Variants in CSPP1 observed in about 807,000 individuals in gnomAD.
CSPP1 encodes centrosome and spindle pole-associated protein 1.
CSPP1 carries 126 observed loss-of-function variants against 164.4 expected under a neutral mutation model. The observed-to-expected ratio is 0.77, with a 90% CI of 0.66 to 0.89. The LOEUF is 0.89. CSPP1 is among the 40% of genes least tolerant of loss of function. The probability of loss-of-function intolerance (pLI) is 0.00; values close to 1 mark genes in which losing one functional copy is unlikely to be tolerated. For synonymous variants in CSPP1, 472 were observed against 476.7 expected (o/e 0.99, Z 0.13); for missense variants, 1,395 against 1,449.8 (o/e 0.96, Z 0.61).
chr8:67,129,585 A>G (rs1364901772), intron 15 of CSPP1, among the ~76,000 whole-genome samples: 1 of 152,230 alleles, frequency 6.6e-6, no homozygotes, highest in Non-Finnish European at 1.5e-5. Flanking sequence ...CATTATTGAT[A>G]ATAGTCAAAA....
chr8:67,159,930 C>CTTTCCT (rs1353764851), intron 21 of CSPP1, among the ~76,000 whole-genome samples: 10 of 41,784 alleles, frequency 2.4e-4, no homozygotes, highest in South Asian at 8.9e-4. Flanking sequence ...CTTTCCTTTC[C>CTTTCCT]TTCCTTCCTT....
chr8:67,119,183 C>CTATATAT, intron 15 of CSPP1, among the ~76,000 whole-genome samples: 1 of 152,206 alleles, frequency 6.6e-6, no homozygotes, highest in South Asian at 2.1e-4. Context: ...AAGGTTCATC[C>CTATATAT]GTCTTTTAGC....
At chr8:67,091,758 T>A (rs1332132347) in intron 4 of CSPP1, 45 bp from the exon 5 acceptor site, 14 of 629,692 alleles carry the variant, frequency 2.2e-5, no homozygotes, top group Non-Finnish European at 3.3e-5. Context: ...ACATATTTTA[T>A]AAAGGCAATT....
At chr8:67,135,840 A>G (rs1041527290) in intron 16 of CSPP1, 1 of 152,196 alleles carries the variant, frequency 6.6e-6, no homozygotes, top group African/African-American at 2.4e-5. Flanking sequence ...CCCACTAAGC[A>G]TAGTCATTTC....
At position 67,195,419 on chromosome 8, in the gene CSPP1, G is replaced by GAAAC. The variant is rs776145236; in HGVS notation, c.3509_3512dup (p.His1171GlnfsTer6). The stretch of plus-strand genomic sequence containing the variant: ...CACTGGTTGACCCTGATGACATCAT[G>GAAAC]AAACACATAGGGGATGACGGATCAA... On this transcript the variant is annotated frameshift_variant, in exon 31 of 31. Transcript: ENST00000678616. LOFTEE classifies it high-confidence loss of function. The GAAAC allele has an allele frequency of 1.9e-6, 3 of 1,614,164 alleles. No individual in the cohort carries two copies. Among genetic ancestry groups the GAAAC allele is most frequent in the African/African-American group, 1.3e-5 (1 of 75,044 alleles).
At chr8:67,074,073 T>G (rs1382086447) in intron 1 of CSPP1, among the ~76,000 whole-genome samples, 170 bp from the exon 2 acceptor site, 1 of 152,166 alleles carries the variant, frequency 6.6e-6, no homozygotes, top group Non-Finnish European at 1.5e-5. Flanking sequence ...GTAGGCTTTT[T>G]GGGGAAGCTG....
intron 24 of CSPP1, among the ~76,000 whole-genome samples, chr8:67,168,711 A>G (rs527255856): frequency 1.3e-5 from 2 of 152,326 alleles, no homozygotes; most frequent in South Asian, 2.1e-4. Flanking sequence ...TCATGAATAT[A>G]TGTACAAAAG....
chr8:67,128,774 T>C (rs1177169055), intron 15 of CSPP1, among the ~76,000 whole-genome samples: 1 of 152,164 alleles, frequency 6.6e-6, no homozygotes, highest in Non-Finnish European at 1.5e-5. Context: ...GATCTGGAAT[T>C]AGAATTACTC....
chr8:67,079,067 A>G (rs73693109), intron 3 of CSPP1, among the ~76,000 whole-genome samples: 1,683 of 152,286 alleles, frequency 0.011, 28 homozygotes, highest in African/African-American at 0.037. Context: ...TAACTGAAAG[A>G]TGGTGACCTC....
At chr8:67,175,538 C>G (rs1586746318) in intron 26 of CSPP1, 102 bp downstream of exon 26, 2 of 1,352,604 alleles carry the variant, frequency 1.5e-6, no homozygotes, top group Non-Finnish European at 1.0e-6. Flanking sequence ...ATCCTCCTTT[C>G]ACTGGCAGCC....
In CSPP1 at chr8:67,137,562, G is replaced by C; in HGVS notation, c.1934G>C (p.Gly645Ala). 2 of 1,596,594 alleles carry C rather than the reference G, an allele frequency of 1.3e-6. No homozygotes were observed. The highest frequency in any genetic ancestry group is 1.7e-6 in the Non-Finnish European group (2 of 1,171,806). Residue 645 changes from glycine (G) to alanine (A), a missense_variant, in exon 17 of 31, where the codon GGA (glycine) becomes GCA (alanine). Physicochemically the swap from Gly to Ala is moderately conservative, Grantham distance 60 (BLOSUM62 0). Transcript: ENST00000678616. ...MRTYNPWGKGGGGAPLRDAKG... is the reference protein window; with the variant it reads ...MRTYNPWGKGAGGAPLRDAKG... Reference sequence around the variant, plus strand: ...ACATATAATCCCTGGGGAAAAGGTGGAGGTGGTGCTCCTCTCAGGGATGCA... The same window carrying C: ...ACATATAATCCCTGGGGAAAAGGTGCAGGTGGTGCTCCTCTCAGGGATGCA...
intron 3 of CSPP1, among the ~76,000 whole-genome samples, chr8:67,078,288 A>G (rs1808375868): frequency 6.6e-6 from 1 of 152,184 alleles, no homozygotes; most frequent in Non-Finnish European, 1.5e-5. Context: ...TAAATACGTG[A>G]AAAGATGGCT....
At chr8:67,166,998 C>T (rs941995079) in intron 24 of CSPP1, among the ~76,000 whole-genome samples, 51 of 152,220 alleles carry the variant, frequency 3.4e-4, no homozygotes, top group Non-Finnish European at 6.9e-4. Flanking sequence ...CCATTTAACC[C>T]TGAGTGGACA....
At chr8:67,148,211 G>T (rs150995647) in intron 17 of CSPP1, among the ~76,000 whole-genome samples, 1 of 152,082 alleles carries the variant, frequency 6.6e-6, no homozygotes, top group East Asian at 1.9e-4. Flanking sequence ...GAGCCACCAC[G>T]CCCGGCCAGA....
chr8:67,195,380 A>G lies in CSPP1; in HGVS notation c.3470-2A>G, dbSNP rs1837724111. 6.2e-7 allele frequency: 1 copy of G among 1,611,218 alleles called. No homozygotes were observed. Among genetic ancestry groups the G allele is most frequent in the African/African-American group, 1.3e-5 (1 of 74,878 alleles). On this transcript the variant is annotated splice_acceptor_variant, in intron 30 of 30. Transcript: ENST00000678616. LOFTEE classifies it high-confidence loss of function. ...GAGCCACGTGTCCCTTGCCTCCTGTAGATGATGAGAGTTCACTGGTTGACC... is the reference window on the plus strand; with the variant it reads ...GAGCCACGTGTCCCTTGCCTCCTGTGGATGATGAGAGTTCACTGGTTGACC...
chr8:67,159,238 CT>C (rs1827251397), intron 21 of CSPP1, 101 bp downstream of exon 21: 2 of 1,076,208 alleles, frequency 1.9e-6, no homozygotes, highest in Non-Finnish European at 2.7e-6. Context: ...GGAGGAGGTG[CT>C]TTTGTTCCTG....
At chr8:67,069,914 A>G (rs1405361830) in intron 1 of CSPP1, among the ~76,000 whole-genome samples, 2 of 151,020 alleles carry the variant, frequency 1.3e-5, no homozygotes, top group Admixed American at 1.3e-4. Flanking sequence ...CCTGCCTCAC[A>G]CTCCCAAAGT....
intron 3 of CSPP1, among the ~76,000 whole-genome samples, chr8:67,081,537 C>T (rs894273944): frequency 3.9e-5 from 6 of 152,082 alleles, no homozygotes; most frequent in South Asian, 2.1e-4. Context: ...TTTTATCTCC[C>T]TAAACTGTTT....
intron 4 of CSPP1, among the ~76,000 whole-genome samples, chr8:67,088,553 G>T (rs1271556444): frequency 6.6e-6 from 1 of 151,186 alleles, no homozygotes; most frequent in African/African-American, 2.4e-5. Context: ...CTCCTAAAGT[G>T]CTGGGATTAC....
Sources: gnomAD v4.1 joint callset for allele counts (sites outside exome capture counted in the v4.1 genomes callset) on GRCh38, gnomAD v4.1.1 for gene constraint, MANE v1.5 for transcripts, NCBI Gene and HGNC (gene_info 2026-07-23, HGNC 2026-07-21) for gene names.